The following EDAR variants were observed in gnomAD, a reference collection of about 807,000 sequenced individuals.
EDAR encodes tumor necrosis factor receptor superfamily member EDAR.
Under a neutral mutation model 51.3 loss-of-function variants are expected in EDAR, and 38 were observed. The observed-to-expected ratio is 0.74, with a 90% CI of 0.57 to 0.97. EDAR has a LOEUF of 0.97. EDAR is among the 50% of genes least tolerant of loss of function. The pLI is 0.00. For missense variants in EDAR, 528 were observed against 595.0 expected (o/e 0.89, Z 1.17); for synonymous variants, 227 against 242.1 (o/e 0.94, Z 0.58).
At chr2:108,944,478 A>G (rs942065400) in intron 1 of EDAR, among the ~76,000 whole-genome samples, 4 of 152,186 alleles carry the variant, frequency 2.6e-5, no homozygotes, top group Admixed American at 1.3e-4. Flanking sequence ...AACAATGGCC[A>G]TGGAGCCAAT....
intron 1 of EDAR, among the ~76,000 whole-genome samples, chr2:108,974,649 G>A (rs1294460414): frequency 6.6e-6 from 1 of 152,010 alleles, no homozygotes; most frequent in East Asian, 1.9e-4. Context: ...AGAATCGCTT[G>A]AACCCGGCAG....
rs1346279887 is a variant in EDAR, at chr2:108,911,147, C to T, written c.530-75G>A. ...GGTCTTCCCTCCAGGACTCCGGCCC[C>T]TGGAAGCAATGGCCCTGCCCCTGGG... On this transcript the variant is annotated intron_variant, in intron 6 of 11. Transcript: ENST00000258443. The T allele has an allele frequency of 8.2e-6, 13 of 1,589,388 alleles. No individual in the cohort carries two copies. In the Admixed American group the frequency reaches 2.2e-4, roughly 27 times the overall value.
chr2:108,979,477 A>T (rs1267297552), intron 1 of EDAR, among the ~76,000 whole-genome samples: 170 of 150,888 alleles, frequency 1.1e-3, no homozygotes, highest in African/African-American at 3.1e-3. Context: ...TCACACACAC[A>T]CACACACACA....
At chr2:108,925,510 G>A (rs1207865354) in intron 4 of EDAR, among the ~76,000 whole-genome samples, 3 of 152,222 alleles carry the variant, frequency 2.0e-5, no homozygotes, top group African/African-American at 7.2e-5. Context: ...TCCTGGGCAC[G>A]AGGCACCTTC....
chr2:108,972,213 G>A (rs546280909), intron 1 of EDAR, among the ~76,000 whole-genome samples: 1 of 152,358 alleles, frequency 6.6e-6, no homozygotes, highest in East Asian at 1.9e-4. Flanking sequence ...CAGCACAGAT[G>A]ACTAATACGC....
At chr2:108,967,241 T>C (rs572400856) in intron 1 of EDAR, among the ~76,000 whole-genome samples, 1 of 152,218 alleles carries the variant, frequency 6.6e-6, no homozygotes, top group Non-Finnish European at 1.5e-5. Context: ...GGCCAAATTA[T>C]GTTTTTGAGA....
intron 1 of EDAR, among the ~76,000 whole-genome samples, chr2:108,983,066 G>A (rs1334426898): frequency 2.6e-5 from 4 of 152,270 alleles, no homozygotes; most frequent in Admixed American, 2.0e-4. Context: ...CAAATCTACC[G>A]ATGCACAATT....
chr2:108,906,030 G>A (rs574461964), intron 11 of EDAR, among the ~76,000 whole-genome samples: 11 of 146,232 alleles, frequency 7.5e-5, no homozygotes, highest in African/African-American at 2.2e-4. Flanking sequence ...GCTGCTCACC[G>A]ACCCTGCGTT....
chr2:108,929,238 C>T lies in EDAR; in HGVS notation c.316G>A (p.Asp106Asn). 6.2e-7 allele frequency: 1 copy of T among 1,614,168 alleles called. No individual in the cohort carries two copies. Among genetic ancestry groups the T allele is most frequent in the Non-Finnish European group, 8.5e-7 (1 of 1,180,038 alleles). ...CCACACTCAGCGTCATTCTCCATGT[C>T]CCCTGGTGTCAGCACGGTGGCCCGG... ...FFRATVLTPG[D>N]MENDAECGPC... is the part of the protein sequence containing the mutation. The change falls in exon 4 of 12, where the codon GAC becomes AAC. Residue 106 changes from aspartate to asparagine, a missense_variant. Physicochemically the swap from Asp to Asn is conservative, Grantham distance 23. Transcript: ENST00000258443.
intron 1 of EDAR, among the ~76,000 whole-genome samples, chr2:108,961,974 G>A (rs936465771): frequency 1.3e-5 from 2 of 152,178 alleles, no homozygotes; most frequent in Non-Finnish European, 2.9e-5. Context: ...GAGGGGAAGC[G>A]CAGCTGTAAG....
Position 108,955,320 on chromosome 2 carries a change from A to G in EDAR, c.-18-24288T>C, listed in dbSNP as rs1010057666. ...CAGTAAGTGCTAATGAATGCAAGGT[A>G]ATATAATTATTTTCCAATTATGGAA... On this transcript the variant is annotated intron_variant, in intron 1 of 11. Transcript: ENST00000258443. 6.6e-5 allele frequency among the ~76,000 whole-genome samples: 10 copies of G among 152,368 alleles called. No homozygotes were observed. In the East Asian group the frequency reaches 1.9e-3, roughly 29 times the overall value.
At position 108,910,527 on chromosome 2, in the gene EDAR, CGTT is replaced by C; in HGVS notation, c.733_735del (p.Asn245del). 1 of 1,612,718 alleles carries C rather than the reference CGTT, an allele frequency of 6.2e-7. No individual in the cohort carries two copies. Among genetic ancestry groups the C allele is most frequent in the South Asian group, 1.1e-5 (1 of 90,966 alleles). On this transcript the variant is annotated inframe_deletion and splice_region_variant, in exon 9 of 12. Transcript: ENST00000258443. ...TCATCCTTCTCGGAGAACATCACCACGTTGTCTGCAGGGAAATGGGGAGGTTGG... is the reference window on the plus strand; with the variant it reads ...TCATCCTTCTCGGAGAACATCACCACGTCTGCAGGGAAATGGGGAGGTTGG...
chr2:108,925,021 G>A (rs908270254), intron 4 of EDAR, among the ~76,000 whole-genome samples: 6 of 152,130 alleles, frequency 3.9e-5, no homozygotes, highest in African/African-American at 7.2e-5. Flanking sequence ...TCACTTCCTC[G>A]CCCTTGCCTC....
intron 6 of EDAR, 48 bp downstream of exon 6, chr2:108,912,630 C>T (rs780516704): frequency 1.1e-5 from 16 of 1,508,866 alleles, no homozygotes; most frequent in South Asian, 2.4e-5. Context: ...AGCTTTCATC[C>T]GAGTACCACC....
chr2:108,909,575 C>T (rs975839553), intron 9 of EDAR, among the ~76,000 whole-genome samples: 1 of 152,222 alleles, frequency 6.6e-6, no homozygotes, highest in Admixed American at 6.5e-5. Context: ...CGGGGGTGTC[C>T]TTCCAGGCGC....
chr2:108,928,537 A>G (rs1697301152), intron 4 of EDAR, among the ~76,000 whole-genome samples: 1 of 152,094 alleles, frequency 6.6e-6, no homozygotes, highest in South Asian at 2.1e-4. Flanking sequence ...CACTGCTTTT[A>G]TCTTTAGTCT....
At chr2:108,944,190 T>G (rs774651909) in intron 1 of EDAR, among the ~76,000 whole-genome samples, 42 of 152,326 alleles carry the variant, frequency 2.8e-4, no homozygotes, top group Non-Finnish European at 5.3e-4. Context: ...CTCGGCTCAC[T>G]GCAACCTCTG....
Position 108,897,222 on chromosome 2 carries a change from G to T in EDAR, c.1032C>A (p.Ser344Arg). 2 of 1,613,630 alleles carry T rather than the reference G, an allele frequency of 1.2e-6. No individual in the cohort carries two copies. The highest frequency in any genetic ancestry group is 1.7e-6 in the Non-Finnish European group (2 of 1,179,992). ...ANVCGVVEGL[S>R]PTELPFDCLE... ...GGCAATCAAATGGCAGCTCCGTGGG[G>T]CTAAGACCTACAGACACCAATGGCC... The change falls in exon 12 of 12, where the codon AGC becomes AGA. Residue 344 changes from serine to arginine, a missense_variant. Ser to Arg is a moderately radical substitution (Grantham distance 110). Coordinates refer to ENST00000258443, the MANE Select transcript of EDAR (RefSeq NM_022336.4).
Position 108,896,712 on chromosome 2 carries a change from C to A in EDAR, c.*195G>T, listed in dbSNP as rs927493621. On this transcript the variant is annotated 3_prime_UTR_variant, in exon 12 of 12. Transcript: ENST00000258443. Reference sequence around the variant, plus strand: ...GGTACAGGCGAGCATCTGAAAGTATCCCGGCTCTAGTCCTTTATCTTTGGT... The same window carrying A: ...GGTACAGGCGAGCATCTGAAAGTATACCGGCTCTAGTCCTTTATCTTTGGT... The A allele has an allele frequency of 4.9e-6, 3 of 610,356 alleles. No individual in the cohort carries two copies. The highest frequency in any genetic ancestry group is 5.5e-5 in the East Asian group (2 of 36,118). 37.8% of individuals were successfully genotyped at this position (610,356 alleles called of 1,614,324 possible).
Sources: gnomAD v4.1 joint callset for allele counts (sites outside exome capture counted in the v4.1 genomes callset) on GRCh38, gnomAD v4.1.1 for gene constraint, MANE v1.5 for transcripts, NCBI Gene and HGNC (gene_info 2026-07-23, HGNC 2026-07-21) for gene names.